The following NTS variants were observed in gnomAD, a reference collection of about 807,000 sequenced individuals.
The protein encoded by NTS is neurotensin/neuromedin N.
In NTS, 20 loss-of-function variants were observed where a neutral mutation model predicts 19.5. The ratio of observed to expected loss-of-function variants is 1.02; its 90% confidence interval spans 0.72 to 1.49. The LOEUF is 1.49. Among genes scored for constraint, NTS ranks in the 40% most tolerant of loss-of-function variants. NTS has a pLI of 0.00. For synonymous variants in NTS, 71 were observed against 63.3 expected (o/e 1.12, Z -0.58); for missense variants, 215 against 193.1 (o/e 1.11, Z -0.67).
Position 85,882,431 on chromosome 12 carries a change from T to A in NTS, c.*56T>A, listed in dbSNP as rs929172634. 4 of 1,282,752 alleles carry A rather than the reference T, an allele frequency of 3.1e-6. No individual in the cohort carries two copies. Among genetic ancestry groups the A allele is most frequent in the Non-Finnish European group, 4.3e-6 (4 of 932,564 alleles). The allele number at this position is 1,282,752 out of a possible 1,614,324, so 79.5% of individuals were successfully genotyped here. A position where few individuals can be genotyped will look rare whatever the true frequency, so the allele number is the denominator to read the frequency against. On this transcript the variant is annotated 3_prime_UTR_variant, in exon 4 of 4. Transcript: ENST00000256010. The stretch of plus-strand genomic sequence containing the variant: ...TGATTCATCATCCCTTAATTAAATA[T>A]CAAATTATATTTGTGTGAAAATGTG...
intron 2 of NTS, among the ~76,000 whole-genome samples, chr12:85,876,992 C>T (rs1389136120): frequency 6.6e-6 from 1 of 152,036 alleles, no homozygotes; most frequent in African/African-American, 2.4e-5. Flanking sequence ...ATGCCTTTTA[C>T]ATTGGGTATG....
At chr12:85,875,354 A>G (rs1211585106) in intron 1 of NTS, among the ~76,000 whole-genome samples, 1 of 152,132 alleles carries the variant, frequency 6.6e-6, no homozygotes. Context: ...AGAACACATT[A>G]GGAAGCAAAT....
chr12:85,880,180 AC>A (rs1375718390), intron 3 of NTS, among the ~76,000 whole-genome samples: 2 of 151,956 alleles, frequency 1.3e-5, no homozygotes, highest in Non-Finnish European at 2.9e-5. Flanking sequence ...ATAAATACAC[AC>A]AAAACTTAGT....
intron 3 of NTS, among the ~76,000 whole-genome samples, chr12:85,879,650 AAT>A (rs1448461814): frequency 5.2e-5 from 6 of 114,314 alleles, no homozygotes; most frequent in Admixed American, 1.8e-4. Context: ...ATGTATATAA[AAT>A]ATATTTTTTG....
intron 3 of NTS, among the ~76,000 whole-genome samples, chr12:85,880,097 AG>A (rs1348076388): frequency 1.3e-5 from 2 of 150,944 alleles, no homozygotes; most frequent in African/African-American, 4.8e-5. Context: ...ATTTATATAA[AG>A]GTATATATAG....
chr12:85,878,095 A>G (rs776169072), intron 2 of NTS: 17 of 286,356 alleles, frequency 5.9e-5, no homozygotes, highest in Non-Finnish European at 1.0e-4. Context: ...TTGCTTTCTT[A>G]CTTTGCTCTG....
chr12:85,879,857 C>T (rs1277873780), intron 3 of NTS, among the ~76,000 whole-genome samples: 2 of 137,282 alleles, frequency 1.5e-5, no homozygotes, highest in Non-Finnish European at 1.6e-5. Context: ...TGTATATTTA[C>T]ATATATTTAA....
intron 1 of NTS, among the ~76,000 whole-genome samples, chr12:85,875,847 C>G (rs907180102): frequency 2.0e-5 from 3 of 151,916 alleles, no homozygotes; most frequent in Non-Finnish European, 4.4e-5. Flanking sequence ...TGTGGCATTT[C>G]TTTTTACTGA....
intron 2 of NTS, 82 bp from the exon 3 acceptor site, chr12:85,878,263 T>TC: frequency 1.0e-6 from 1 of 960,204 alleles, no homozygotes; most frequent in South Asian, 1.8e-5. Flanking sequence ...ACCCTAAATG[T>TC]GATGGTTTAG....
At chr12:85,874,975 AAAATG>A (rs1008344072) in intron 1 of NTS, among the ~76,000 whole-genome samples, 1 of 152,230 alleles carries the variant, frequency 6.6e-6, no homozygotes, top group Non-Finnish European at 1.5e-5. Context: ...TACTTAGTGA[AAAATG>A]AAGCATTATT....
intron 1 of NTS, among the ~76,000 whole-genome samples, chr12:85,876,303 A>T (rs989724361): frequency 6.6e-6 from 1 of 151,918 alleles, no homozygotes; most frequent in South Asian, 2.1e-4. Context: ...GTGGCTGGTA[A>T]GAAATAAGCT....
chr12:85,878,567 G>A lies in NTS; in HGVS notation c.358G>A (p.Glu120Lys), dbSNP rs777196251. 6 of 1,590,324 alleles carry A rather than the reference G, an allele frequency of 3.8e-6. No individual in the cohort carries two copies. The African/African-American group carries it at 5.4e-5, about 14-fold the overall frequency. ...ICHSRAFQHWELIQEDILDTG... is the reference protein window; with the variant it reads ...ICHSRAFQHWKLIQEDILDTG... ...TCACAGCAGGGCTTTTCAACACTGGGAGGTATAGCAATAACAAAATATTAA... is the reference window on the plus strand; with the variant it reads ...TCACAGCAGGGCTTTTCAACACTGGAAGGTATAGCAATAACAAAATATTAA... Residue 120 changes from glutamate to lysine, a missense_variant and splice_region_variant, in exon 3 of 4, where the codon GAG (glutamate) becomes AAG (lysine). Physicochemically the swap from Glu to Lys is moderately conservative, Grantham distance 56. Coordinates refer to ENST00000256010, the MANE Select transcript of NTS (RefSeq NM_006183.5).
chr12:85,879,044 ACATAAAATATATTTTTAT>A (rs1881414106), intron 3 of NTS, among the ~76,000 whole-genome samples: 1 of 140,638 alleles, frequency 7.1e-6, no homozygotes, highest in African/African-American at 2.5e-5. Flanking sequence ...ATTTTTATGT[ACATAAAATATATTTTTAT>A]GTATATTTTA....
At chr12:85,879,277 A>ACGTAAAATATATT (rs1205562253) in intron 3 of NTS, among the ~76,000 whole-genome samples, 1 of 8,286 alleles carries the variant, frequency 1.2e-4, no homozygotes, top group Non-Finnish European at 3.6e-4. Flanking sequence ...TATTTTATGT[A>ACGTAAAATATATT]TATACCATAT....
At position 85,878,335 on chromosome 12, in the gene NTS, T is replaced by A. The variant is rs756638931; in HGVS notation, c.136-10T>A. ...GTTTTAATTGCAGGGGTTTTTTTAA[T>A]ATATTTCAGATTAGTAAAGCACATG... On this transcript the variant is annotated splice_polypyrimidine_tract_variant and intron_variant, in intron 2 of 3. Coordinates refer to ENST00000256010, the MANE Select transcript of NTS (RefSeq NM_006183.5). 6.2e-5 allele frequency: 97 copies of A among 1,553,228 alleles called. 6 individuals are homozygous for A. The South Asian group carries it at 1.1e-3, about 18-fold the overall frequency.
chr12:85,876,809 C>A, intron 2 of NTS, 108 bp downstream of exon 2: 2 of 554,246 alleles, frequency 3.6e-6, no homozygotes, highest in South Asian at 1.0e-4. Context: ...TTGAAAAGTT[C>A]CTTGAGAGGC....
In NTS at chr12:85,878,562, A is replaced by C; in HGVS notation, c.353A>C (p.His118Pro). 2 of 1,600,510 alleles carry C rather than the reference A, an allele frequency of 1.2e-6. No homozygotes were observed. Among genetic ancestry groups the C allele is most frequent in the Non-Finnish European group, 1.7e-6 (2 of 1,170,242 alleles). ...HKICHSRAFQHWELIQEDILD... is the reference protein window; with the variant it reads ...HKICHSRAFQPWELIQEDILD... ...ATCTGTCACAGCAGGGCTTTTCAAC[A>C]CTGGGAGGTATAGCAATAACAAAAT... The change falls in exon 3 of 4, where the codon CAC (histidine) becomes CCC (proline). Residue 118 changes from histidine (H) to proline (P), a missense_variant. His to Pro is a moderately conservative substitution (Grantham distance 77). Coordinates refer to ENST00000256010, the MANE Select transcript of NTS (RefSeq NM_006183.5).
intron 3 of NTS, among the ~76,000 whole-genome samples, chr12:85,881,360 A>G (rs976805196): frequency 3.6e-4 from 55 of 152,160 alleles, no homozygotes; most frequent in Middle Eastern, 3.2e-3. Context: ...TTAGAAGACA[A>G]CCAAAAATAC....
rs190423355 is a variant in NTS, at chr12:85,878,332, T to A, written c.136-13T>A. 363 of 1,546,046 alleles carry A rather than the reference T, an allele frequency of 2.3e-4. 1 individual carries two copies. The highest frequency in any genetic ancestry group is 1.1e-3 in the African/African-American group (81 of 72,544). On this transcript the variant is annotated splice_polypyrimidine_tract_variant and intron_variant, in intron 2 of 3. Transcript: ENST00000256010. ...CAAGTTTTAATTGCAGGGGTTTTTT[T>A]AATATATTTCAGATTAGTAAAGCAC... is the stretch of plus-strand genomic sequence containing the variant.
Sources: gnomAD v4.1 joint callset for allele counts (sites outside exome capture counted in the v4.1 genomes callset) on GRCh38, gnomAD v4.1.1 for gene constraint, MANE v1.5 for transcripts, NCBI Gene and HGNC (gene_info 2026-07-23, HGNC 2026-07-21) for gene names.